Variants in TTC28 observed in about 807,000 individuals in gnomAD.
TTC28 encodes the protein tetratricopeptide repeat domain 28.
Under a neutral mutation model 198.0 loss-of-function variants are expected in TTC28, and 61 were observed. The observed-to-expected ratio is 0.31, with a 90% CI of 0.25 to 0.38. TTC28 has a LOEUF of 0.38. TTC28 is among the 10% of genes least tolerant of loss of function. The probability of loss-of-function intolerance (pLI) is 1.00; values close to 1 mark genes in which losing one functional copy is unlikely to be tolerated. For synonymous variants in TTC28, 1,171 were observed against 1,297.8 expected (o/e 0.90, Z 2.10); for missense variants, 2,678 against 3,164.0 (o/e 0.85, Z 3.69).
At chr22:28,014,522 C>T (rs1228910425) in intron 13 of TTC28, 130 bp from the exon 14 acceptor site, 12 of 1,043,798 alleles carry the variant, frequency 1.1e-5, no homozygotes, top group African/African-American at 1.6e-5. Flanking sequence ...GCCAGCCTCC[C>T]TCCCAGCTCC....
intron 5 of TTC28, among the ~76,000 whole-genome samples, chr22:28,212,139 A>T (rs1020336908): frequency 1.3e-5 from 2 of 152,176 alleles, no homozygotes; most frequent in African/African-American, 4.8e-5. Flanking sequence ...GCATAGAGGG[A>T]AATTTATAGC....
chr22:28,137,769 C>T (rs965861937), intron 6 of TTC28, among the ~76,000 whole-genome samples: 1 of 152,122 alleles, frequency 6.6e-6, no homozygotes, highest in African/African-American at 2.4e-5. Flanking sequence ...AATCCCAGCA[C>T]TTTGGGAGGC....
intron 5 of TTC28, among the ~76,000 whole-genome samples, chr22:28,210,455 G>A (rs542357051): frequency 6.6e-6 from 1 of 152,180 alleles, no homozygotes; most frequent in East Asian, 1.9e-4. Context: ...TGACCTGATG[G>A]AGCTGAAAAC....
intron 2 of TTC28, among the ~76,000 whole-genome samples, chr22:28,551,512 T>C (rs1440590589): frequency 6.6e-6 from 1 of 152,090 alleles, no homozygotes; most frequent in Non-Finnish European, 1.5e-5. Flanking sequence ...TCCAACAGCA[T>C]ATCAAAAAGA....
intron 2 of TTC28, among the ~76,000 whole-genome samples, chr22:28,409,750 G>A (rs1335135736): frequency 8.1e-5 from 12 of 148,858 alleles, no homozygotes; most frequent in South Asian, 2.1e-4. Context: ...TCCGCCTCCC[G>A]GGCTCAAGCA....
chr22:28,190,187 T>TC (rs1924605077), intron 5 of TTC28, among the ~76,000 whole-genome samples: 1 of 152,220 alleles, frequency 6.6e-6, no homozygotes, highest in Non-Finnish European at 1.5e-5. Flanking sequence ...TAATAACTTC[T>TC]TAAAATATCA....
chr22:28,521,702 A>C (rs1211986503), intron 2 of TTC28, among the ~76,000 whole-genome samples: 3 of 152,228 alleles, frequency 2.0e-5, no homozygotes, highest in Non-Finnish European at 2.9e-5. Flanking sequence ...CCAAGATCCC[A>C]GAGAGTAGAG....
intron 6 of TTC28, among the ~76,000 whole-genome samples, chr22:28,152,484 T>C (rs988917123): frequency 6.6e-6 from 1 of 152,166 alleles, no homozygotes; most frequent in African/African-American, 2.4e-5. Flanking sequence ...AGAACTCAAG[T>C]CTTATCCTGG....
chr22:28,139,762 T>G (rs1236030234), intron 6 of TTC28, among the ~76,000 whole-genome samples: 1 of 151,336 alleles, frequency 6.6e-6, no homozygotes, highest in East Asian at 1.9e-4. Context: ...CCACAGCGCC[T>G]CTCCAGCTCC....
intron 2 of TTC28, among the ~76,000 whole-genome samples, chr22:28,623,773 A>G (rs1002138093): frequency 1.3e-5 from 2 of 152,196 alleles, no homozygotes; most frequent in African/African-American, 4.8e-5. Context: ...TGGAAATTAA[A>G]CAACAAACTT....
At chr22:28,462,989 A>G (rs951980421) in intron 2 of TTC28, among the ~76,000 whole-genome samples, 3 of 152,256 alleles carry the variant, frequency 2.0e-5, no homozygotes, top group African/African-American at 7.2e-5. Context: ...ACAATAGCTT[A>G]AATGCCCATA....
At chr22:28,243,174 CAAAAAAAAAAAAAAAAAAAAAAA>C (rs754700795) in intron 5 of TTC28, among the ~76,000 whole-genome samples, 1,102 of 68,350 alleles carry the variant, frequency 0.016, 47 homozygotes, top group African/African-American at 0.065. Flanking sequence ...CCCCTCTCTA[CAAAAAAAAAAAAAAAAAAAAAAA>C]AAAAAAAAAA....
intron 6 of TTC28, among the ~76,000 whole-genome samples, chr22:28,140,126 C>G (rs1943296841): frequency 6.6e-6 from 1 of 152,250 alleles, no homozygotes; most frequent in African/African-American, 2.4e-5. Context: ...TGCTCTGACT[C>G]TCTGCAGGGT....
At chr22:28,131,721 T>C (rs1243380723) in intron 6 of TTC28, among the ~76,000 whole-genome samples, 2 of 152,212 alleles carry the variant, frequency 1.3e-5, no homozygotes, top group African/African-American at 4.8e-5. Flanking sequence ...AAAGTGTCAG[T>C]TTCTTCATCT....
chr22:28,264,836 TA>T (rs1334278879), intron 5 of TTC28, among the ~76,000 whole-genome samples: 4 of 152,116 alleles, frequency 2.6e-5, no homozygotes, highest in Non-Finnish European at 5.9e-5. Flanking sequence ...GATATGAGTG[TA>T]AAGTTTAAAA....
rs1466776831 is a variant in TTC28, at chr22:28,669,906, G to C, written c.102+9716C>G. ...TATTAAACTGATGAGAAAATATAAA[G>C]GTTTATTACTGGATTAAATAAGTTT... On this transcript the variant is annotated intron_variant, in intron 1 of 22. Coordinates refer to ENST00000397906, the MANE Select transcript of TTC28 (RefSeq NM_001145418.2). Among the ~76,000 whole-genome samples the C allele has an allele frequency of 6.6e-5, 10 of 152,032 alleles. No homozygotes were observed. The East Asian group carries it at 1.9e-3, about 29-fold the overall frequency.
chr22:28,498,393 A>G (rs1191411073), intron 2 of TTC28, among the ~76,000 whole-genome samples: 1 of 152,238 alleles, frequency 6.6e-6, no homozygotes, highest in Non-Finnish European at 1.5e-5. Context: ...TCTCAAATAC[A>G]GTCTAAAATG....
At chr22:28,384,180 T>C (rs1009152876) in intron 2 of TTC28, among the ~76,000 whole-genome samples, 5 of 152,224 alleles carry the variant, frequency 3.3e-5, no homozygotes, top group South Asian at 2.1e-4. Context: ...CTTTATGTTC[T>C]ATCCAAGATA....
At chr22:28,463,202 T>C (rs1342765243) in intron 2 of TTC28, among the ~76,000 whole-genome samples, 7 of 152,278 alleles carry the variant, frequency 4.6e-5, no homozygotes, top group East Asian at 3.9e-4. Flanking sequence ...CATTAAGAAA[T>C]TGCAATGGTA....
Sources: gnomAD v4.1 joint callset for allele counts (sites outside exome capture counted in the v4.1 genomes callset) on GRCh38, gnomAD v4.1.1 for gene constraint, MANE v1.5 for transcripts, NCBI Gene and HGNC (gene_info 2026-07-23, HGNC 2026-07-21) for gene names.